The following GOLGA6L2 variants were observed in gnomAD, a reference collection of about 807,000 sequenced individuals.
GOLGA6L2 encodes the protein golgin subfamily A member 6-like protein 2.
A neutral mutation model predicts 35.9 loss-of-function variants in GOLGA6L2; 30 were observed. The observed-to-expected ratio is 0.83, with a 90% CI of 0.62 to 1.13. The LOEUF is 1.13. Among genes scored for constraint, GOLGA6L2 ranks in the 50% most tolerant of loss-of-function variants. The probability of loss-of-function intolerance (pLI) is 0.00; values close to 1 mark genes in which losing one functional copy is unlikely to be tolerated. For missense variants in GOLGA6L2, 821 were observed against 973.4 expected (o/e 0.84, Z 2.08); for synonymous variants, 297 against 344.0 (o/e 0.86, Z 1.51).
Position 23,439,561 on chromosome 15 carries a change from C to A in GOLGA6L2, c.*184G>T. 6.6e-7 allele frequency: 1 copy of A among 1,516,174 alleles called. No homozygotes were observed. Among genetic ancestry groups the A allele is most frequent in the Non-Finnish European group, 8.8e-7 (1 of 1,135,632 alleles). The allele number at this position is 1,516,174 out of a possible 1,614,324, so 93.9% of individuals were successfully genotyped here. ...CCAACTTTTAGATATTGATGATCTT[C>A]ATCTTTCTCTTGTCTCCTCGGTAGA... On this transcript the variant is annotated 3_prime_UTR_variant, in exon 8 of 8. Transcript: ENST00000567107.
rs1409698303 is a variant in GOLGA6L2, at chr15:23,440,289, C to A, written c.2186G>T (p.Gly729Val). The A allele has an allele frequency of 1.2e-5, 8 of 643,900 alleles. 3 individuals carry two copies. Among genetic ancestry groups the A allele is most frequent in the Middle Eastern group, 4.8e-4 (2 of 4,144 alleles). The allele number at this position is 643,900 out of a possible 1,614,324, so 39.9% of individuals were successfully genotyped here. ...CTCTCGTCCTGCTCCCACATCCTCT[C>A]CTTCTGGTCCCACATCTTCTGCTCC... ...RSGAEDVGPE[G>V]EDVGAGREAA... The change falls in exon 8 of 8, where the codon GGA becomes GTA. Residue 729 changes from glycine to valine, a missense_variant. Physicochemically the swap from Gly to Val is moderately radical, Grantham distance 109. Transcript: ENST00000567107.
intron 2 of GOLGA6L2, 121 bp from the exon 3 acceptor site, chr15:23,444,621 G>T: frequency 1.2e-6 from 1 of 830,684 alleles, no homozygotes; most frequent in Non-Finnish European, 2.0e-6. Flanking sequence ...CAGACCCAAT[G>T]GGAACATGAA....
Position 23,439,573 on chromosome 15 carries a change from G to T in GOLGA6L2, c.*172C>A. On this transcript the variant is annotated 3_prime_UTR_variant, in exon 8 of 8. Coordinates refer to ENST00000567107, the MANE Select transcript of GOLGA6L2 (RefSeq NM_001304388.2). Reference sequence around the variant, plus strand: ...TATTGATGATCTTCATCTTTCTCTTGTCTCCTCGGTAGAAGAATGGGATGC... The same window carrying T: ...TATTGATGATCTTCATCTTTCTCTTTTCTCCTCGGTAGAAGAATGGGATGC... The T allele has an allele frequency of 1.3e-6, 2 of 1,517,344 alleles. No homozygotes were observed. The highest frequency in any genetic ancestry group is 2.8e-5 in the African/African-American group (2 of 70,576). The allele number at this position is 1,517,344 out of a possible 1,614,324, so 94.0% of individuals were successfully genotyped here. A position where few individuals can be genotyped will look rare whatever the true frequency, so the allele number is the denominator to read the frequency against.
chr15:23,442,024 C>T lies in GOLGA6L2; in HGVS notation c.747G>A (p.Lys249=). 1 of 1,544,996 alleles carries T rather than the reference C, an allele frequency of 6.5e-7. No homozygotes were observed. Among genetic ancestry groups the T allele is most frequent in the Non-Finnish European group, 8.7e-7 (1 of 1,152,518 alleles). ...CCCTCTCCAGTTTCCTTTTTAGCTC[C>T]TTCACGTTGAGCTGGATCTCAGACT... The part of the protein sequence containing the change: ...SEKSEIQLNV[K]ELKRKLERAK... Residue 249 remains lysine, a synonymous_variant, in exon 7 of 8, where the codon AAG becomes AAA. Coordinates refer to ENST00000567107, the MANE Select transcript of GOLGA6L2 (RefSeq NM_001304388.2).
intron 7 of GOLGA6L2, 70 bp from the exon 8 acceptor site, chr15:23,441,752 A>G (rs544163026): frequency 1.4e-6 from 2 of 1,423,838 alleles, no homozygotes; most frequent in Non-Finnish European, 1.8e-6. Context: ...TTCATCTATG[A>G]TTCTTTAAAA....
At position 23,441,486 on chromosome 15, in the gene GOLGA6L2, A is replaced by G. The variant is rs148369039; in HGVS notation, c.989T>C (p.Leu330Pro). 2.1e-4 allele frequency: 300 copies of G among 1,399,462 alleles called. 2 individuals carry two copies. The East Asian group carries it at 7.1e-3, about 33-fold the overall frequency. The allele number at this position is 1,399,462 out of a possible 1,614,324, so 86.7% of individuals were successfully genotyped here. The change falls in exon 8 of 8, where the codon CTG (leucine) becomes CCG (proline). Residue 330 changes from leucine (L) to proline (P), a missense_variant. Physicochemically the swap from Leu to Pro is moderately conservative, Grantham distance 98. Coordinates refer to ENST00000567107, the MANE Select transcript of GOLGA6L2 (RefSeq NM_001304388.2). ...EKRLREQEKE[L>P]REQEKELREQ... is the part of the protein sequence containing the mutation. ...CCGCAGCTCCTTCTCCTGCTCCCGC[A>G]GCTCCTTCTCCTGCTCTCGCAGCCT...
At position 23,443,863 on chromosome 15, in the gene GOLGA6L2, C is replaced by T. The variant is rs763173029; in HGVS notation, c.505G>A (p.Gly169Ser). The change falls in exon 5 of 8, where the codon GGC becomes AGC. Residue 169 changes from glycine to serine, a missense_variant. Physicochemically the swap from Gly to Ser is moderately conservative, Grantham distance 56. Transcript: ENST00000567107. Reference protein sequence around the residue: ...LIPGESKDLAGRLHHSWHFAG... With the variant: ...LIPGESKDLASRLHHSWHFAG... Reference sequence around the variant, plus strand: ...AAGTGCCAGGAATGATGCAAGCGGCCGGCGAGATCCTTGGACTCTCCTGGA... The same window carrying T: ...AAGTGCCAGGAATGATGCAAGCGGCTGGCGAGATCCTTGGACTCTCCTGGA... The T allele has an allele frequency of 9.1e-6, 14 of 1,541,048 alleles. No individual in the cohort carries two copies. Among genetic ancestry groups the T allele is most frequent in the Middle Eastern group, 1.7e-4 (1 of 6,000 alleles).
chr15:23,444,519 G>A lies in GOLGA6L2; in HGVS notation c.214-19C>T. ...GTTGTGTCTGTGGGGAGAGTCAAAG[G>A]AAGGTGACTGAGGGTGGCCCCCTGG... On this transcript the variant is annotated intron_variant, in intron 2 of 7. Transcript: ENST00000567107. The A allele has an allele frequency of 6.3e-6, 10 of 1,598,648 alleles. No homozygotes were observed. Among genetic ancestry groups the A allele is most frequent in the South Asian group, 1.1e-5 (1 of 90,986 alleles).
intron 2 of GOLGA6L2, 102 bp from the exon 3 acceptor site, chr15:23,444,602 C>A (rs1886737735): frequency 2.0e-6 from 2 of 984,430 alleles, no homozygotes; most frequent in Non-Finnish European, 3.1e-6. Context: ...TTTTAAAGGG[C>A]AACGTTCTCA....
chr15:23,441,276 C>G lies in GOLGA6L2; in HGVS notation c.1199G>C (p.Trp400Ser). 1 of 1,537,420 alleles carries G rather than the reference C, an allele frequency of 6.5e-7. No homozygotes were observed. The highest frequency in any genetic ancestry group is 8.7e-7 in the Non-Finnish European group (1 of 1,146,348). The change falls in exon 8 of 8, where the codon TGG becomes TCG. Residue 400 changes from tryptophan (W) to serine (S), a missense_variant. Coordinates refer to ENST00000567107, the MANE Select transcript of GOLGA6L2 (RefSeq NM_001304388.2). Reference sequence around the variant, plus strand: ...CTCCCGTAGCCTCTCGTCCTGCTCCCACATCCTCTCCTCTTGGTCCCGCAT... The same window carrying G: ...CTCCCGTAGCCTCTCGTCCTGCTCCGACATCCTCTCCTCTTGGTCCCGCAT... ...QKMRDQEERM[W>S]EQDERLREKE...
In GOLGA6L2 at chr15:23,445,334, C is replaced by A. The variant is rs28575662; in HGVS notation, c.189G>T (p.Ser63=). 2,305 of 399,736 alleles carry A rather than the reference C, an allele frequency of 5.8e-3. 363 individuals are homozygous for A. In the African/African-American group the frequency reaches 0.066, roughly 11 times the overall value. 24.8% of individuals were successfully genotyped at this position (399,736 alleles called of 1,614,324 possible). A position where few individuals can be genotyped will look rare whatever the true frequency, so the allele number is the denominator to read the frequency against. The change falls in exon 2 of 8, where the codon TCG becomes TCT. Residue 63 remains serine (S), a synonymous_variant. Coordinates refer to ENST00000567107, the MANE Select transcript of GOLGA6L2 (RefSeq NM_001304388.2). The part of the protein sequence containing the change: ...NNGTNPETTT[S]EGCHSPEDTQ... ...CATCCTCAGGTGAATGGCAACCCTC[C>A]GAAGTGGTTGTCTCAGGGTTAGTGC...
rs758571710 is a variant in GOLGA6L2 at position 23,444,209 on chromosome 15, T to G, written c.247A>C (p.Lys83Gln). 20 of 1,604,058 alleles carry G rather than the reference T, an allele frequency of 1.2e-5. No individual in the cohort carries two copies. Among genetic ancestry groups the G allele is most frequent in the East Asian group, 6.7e-5 (3 of 44,842 alleles). Residue 83 changes from lysine (K) to glutamine (Q), a missense_variant, in exon 4 of 8, where the codon AAG (lysine) becomes CAG (glutamine). Around this residue, in one of 7 missense-constraint regions of GOLGA6L2, gnomAD observed 614 missense variants for 632.3 expected, o/e 0.97. Coordinates refer to ENST00000567107, the MANE Select transcript of GOLGA6L2 (RefSeq NM_001304388.2). ...TCCTGATGTTGGTGGCTTGCCTTCT[T>G]TTCCTATAGAAAGAGGAAGACAGAG... is the stretch of plus-strand genomic sequence containing the variant. ...QQNRAQLKEE[K>Q]KASHQHQEAL...
intron 2 of GOLGA6L2, among the ~76,000 whole-genome samples, chr15:23,444,802 G>A (rs1201609700): frequency 2.6e-5 from 4 of 152,138 alleles, no homozygotes; most frequent in Non-Finnish European, 5.9e-5. Flanking sequence ...ATTTAGAAAG[G>A]TGCATTCATT....
chr15:23,442,055 G>C lies in GOLGA6L2; in HGVS notation c.716C>G (p.Ser239Cys). 4 of 1,544,502 alleles carry C rather than the reference G, an allele frequency of 2.6e-6. No individual in the cohort carries two copies. Among genetic ancestry groups the C allele is most frequent in the Non-Finnish European group, 2.6e-6 (3 of 1,151,742 alleles). ...GTTGAGCTGGATCTCAGACTTTTCAGATTCTGCAAGTCGAAGTTTTTCTTG... is the reference window on the plus strand; with the variant it reads ...GTTGAGCTGGATCTCAGACTTTTCACATTCTGCAAGTCGAAGTTTTTCTTG... ...ELQEKLRLAE[S>C]EKSEIQLNVK... is the part of the protein sequence containing the mutation. The change falls in exon 7 of 8, where the codon TCT (serine) becomes TGT (cysteine). Residue 239 changes from serine (S) to cysteine (C), a missense_variant. Physicochemically the swap from Ser to Cys is moderately radical, Grantham distance 112. Around this residue, in one of 7 missense-constraint regions of GOLGA6L2, gnomAD observed 614 missense variants for 632.3 expected, o/e 0.97. Transcript: ENST00000567107.
rs770164965 is a variant in GOLGA6L2 at position 23,443,859 on chromosome 15, C to T, written c.509G>A (p.Arg170His). 74 of 1,540,686 alleles carry T rather than the reference C, an allele frequency of 4.8e-5. No individual in the cohort carries two copies. Among genetic ancestry groups the T allele is most frequent in the African/African-American group, 8.2e-5 (6 of 73,178 alleles). Residue 170 changes from arginine to histidine, a missense_variant, in exon 5 of 8, where the codon CGC becomes CAC. Around this residue, in one of 7 missense-constraint regions of GOLGA6L2, gnomAD observed 614 missense variants for 632.3 expected, o/e 0.97. Coordinates refer to ENST00000567107, the MANE Select transcript of GOLGA6L2 (RefSeq NM_001304388.2). ...TGCAAAGTGCCAGGAATGATGCAAG[C>T]GGCCGGCGAGATCCTTGGACTCTCC... ...IPGESKDLAGRLHHSWHFAGE... is the reference protein window; with the variant it reads ...IPGESKDLAGHLHHSWHFAGE...
chr15:23,446,648 G>C (rs529972654), intron 1 of GOLGA6L2, among the ~76,000 whole-genome samples: 1 of 151,984 alleles, frequency 6.6e-6, no homozygotes, highest in Non-Finnish European at 1.5e-5. Context: ...CCTTGGAGAC[G>C]TGAGCCCAAA....
intron 1 of GOLGA6L2, among the ~76,000 whole-genome samples, chr15:23,446,142 A>G (rs1282450582): frequency 2.0e-5 from 3 of 152,190 alleles, no homozygotes; most frequent in Non-Finnish European, 4.4e-5. Context: ...TCACTGACTG[A>G]TGGGCAATCT....
At position 23,439,461 on chromosome 15, in the gene GOLGA6L2, TTTTC is replaced by T; in HGVS notation, c.*280_*283del. 3.0e-6 allele frequency: 2 copies of T among 667,266 alleles called. No individual in the cohort carries two copies. Among genetic ancestry groups the T allele is most frequent in the South Asian group, 2.8e-5 (1 of 35,636 alleles). 41.3% of individuals were successfully genotyped at this position (667,266 alleles called of 1,614,324 possible). On this transcript the variant is annotated 3_prime_UTR_variant, in exon 8 of 8. Transcript: ENST00000567107. ...AATTTTCTTTTCTTTTTTTTTTTTT[TTTTC>T]AAGTTTGTGCTCAGACTATATTCAC...
chr15:23,443,776 C>T lies in GOLGA6L2; in HGVS notation c.591+1G>A, dbSNP rs1183754832. 3 of 1,536,024 alleles carry T rather than the reference C, an allele frequency of 2.0e-6. No individual in the cohort carries two copies. The highest frequency in any genetic ancestry group is 1.7e-4 in the Middle Eastern group (1 of 6,004). ...GAGACTGGGGAGGTGATTGGACTTACCCTGTCTGCCTTCTTGTGCCATGTG... is the reference window on the plus strand; with the variant it reads ...GAGACTGGGGAGGTGATTGGACTTATCCTGTCTGCCTTCTTGTGCCATGTG... On this transcript the variant is annotated splice_donor_variant, in intron 5 of 7. Coordinates refer to ENST00000567107, the MANE Select transcript of GOLGA6L2 (RefSeq NM_001304388.2). LOFTEE classifies it high-confidence loss of function.
Sources: allele counts gnomAD v4.1 joint callset (sites outside exome capture counted in the v4.1 genomes callset), GRCh38; gene constraint gnomAD v4.1.1; regional missense constraint gnomAD v4.1.1; transcripts MANE v1.5; gene names NCBI Gene and HGNC (gene_info 2026-07-23, HGNC 2026-07-21).